Variants in DAB1 observed in about 807,000 individuals in gnomAD.
DAB1 encodes the protein DAB adaptor protein 1.
In DAB1, 15 loss-of-function variants were observed where a neutral mutation model predicts 64.6. The ratio of observed to expected loss-of-function variants is 0.23; its 90% CI spans 0.16 to 0.36. The LOEUF is 0.36. Ranked by LOEUF, DAB1 falls within the 10% of genes least tolerant of loss-of-function variation. The pLI is 1.00. For missense variants in DAB1, 596 were observed against 706.7 expected, an observed-to-expected ratio of 0.84 and a Z score of 1.78; for synonymous variants, 235 against 251.9, an observed-to-expected ratio of 0.93 and a Z score of 0.64.
At position 57,059,325 on chromosome 1, in the gene DAB1, C is replaced by T. The variant is rs1650147561; in HGVS notation, c.723+3559G>A. Among the ~76,000 whole-genome samples, 3 of 152,166 alleles carry T rather than the reference C, an allele frequency of 2.0e-5. No individual in the cohort carries two copies. The South Asian group carries it at 6.2e-4, about 32-fold the overall frequency. ...GTAAGAACTACACCCAGATCTCACT[C>T]TGAAGACCAGGCTCTGTGCAGACCT... On this transcript the variant is annotated intron_variant, in intron 9 of 14. Coordinates refer to ENST00000371236, the MANE Select transcript of DAB1 (RefSeq NM_001365792.1).
chr1:58,437,903 A>C (rs1644963055), intron 3 of DAB1, among the ~76,000 whole-genome samples: 1 of 152,122 alleles, frequency 6.6e-6, no homozygotes, highest in African/African-American at 2.4e-5. Flanking sequence ...AGGTGGAGAC[A>C]GTTCTGTGGG....
intron 2 of DAB1, among the ~76,000 whole-genome samples, chr1:57,251,528 C>T (rs184088920): frequency 1.3e-5 from 2 of 152,098 alleles, no homozygotes; most frequent in African/African-American, 4.8e-5. Flanking sequence ...AGCCAATCAC[C>T]TCGAGTACAC....
chr1:57,333,400 C>T (rs1676837422), intron 1 of DAB1, among the ~76,000 whole-genome samples: 1 of 152,244 alleles, frequency 6.6e-6, no homozygotes, highest in Non-Finnish European at 1.5e-5. Context: ...GCACACTTAT[C>T]TTACAGGGTT....
intron 6 of DAB1, among the ~76,000 whole-genome samples, chr1:57,679,664 C>T (rs1290611928): frequency 6.6e-6 from 1 of 152,226 alleles, no homozygotes; most frequent in Admixed American, 6.5e-5. Context: ...CACACGCACA[C>T]ACGCCTGTTT....
intron 3 of DAB1, chr1:58,481,259 TGTAAAA>T (rs1645477514): frequency 1.3e-5 from 6 of 472,852 alleles, no homozygotes; most frequent in African/African-American, 2.0e-5. Flanking sequence ...ATATGCTCCA[TGTAAAA>T]CAAAGAATGT....
At chr1:57,817,639 C>T (rs1388985610) in intron 6 of DAB1, among the ~76,000 whole-genome samples, 1 of 152,210 alleles carries the variant, frequency 6.6e-6, no homozygotes, top group East Asian at 1.9e-4. Context: ...CTGGCTGCCC[C>T]ACTCAAAATT....
At chr1:57,900,064 A>G (rs1557544868) in intron 5 of DAB1, among the ~76,000 whole-genome samples, 2 of 151,964 alleles carry the variant, frequency 1.3e-5, no homozygotes, top group Admixed American at 1.3e-4. Context: ...TCGGCCTCCC[A>G]AAGAGTTGAG....
At chr1:58,492,158 A>G (rs1168132834) in intron 3 of DAB1, among the ~76,000 whole-genome samples, 1 of 152,334 alleles carries the variant, frequency 6.6e-6, no homozygotes, top group African/African-American at 2.4e-5. Flanking sequence ...ATGCTCCTGA[A>G]TGACTACTGG....
intron 6 of DAB1, among the ~76,000 whole-genome samples, chr1:57,763,253 G>C (rs1472130210): frequency 2.6e-5 from 4 of 152,204 alleles, no homozygotes; most frequent in Non-Finnish European, 5.9e-5. Flanking sequence ...AGTATAGAAA[G>C]AGGACACTTG....
At chr1:57,472,146 A>G (rs1419983273) in intron 7 of DAB1, among the ~76,000 whole-genome samples, 1 of 152,244 alleles carries the variant, frequency 6.6e-6, no homozygotes, top group Non-Finnish European at 1.5e-5. Flanking sequence ...CAGGATAACA[A>G]CTTAGGAATG....
At chr1:57,311,674 T>C (rs1283840170) in intron 1 of DAB1, among the ~76,000 whole-genome samples, 1 of 152,192 alleles carries the variant, frequency 6.6e-6, no homozygotes, top group East Asian at 1.9e-4. Context: ...AGTTAACTTT[T>C]CTGGATGCTC....
chr1:57,954,751 G>T (rs1435126581), intron 5 of DAB1, among the ~76,000 whole-genome samples: 1 of 152,204 alleles, frequency 6.6e-6, no homozygotes, highest in Non-Finnish European at 1.5e-5. Flanking sequence ...TATGCAGTCT[G>T]TTAGAGAAGA....
chr1:58,089,957 T>C (rs1334149731), intron 5 of DAB1, among the ~76,000 whole-genome samples: 3 of 152,188 alleles, frequency 2.0e-5, no homozygotes, highest in Admixed American at 2.0e-4. Flanking sequence ...GAGAAACAAT[T>C]ACCTAGACTC....
At chr1:57,470,222 A>G (rs925295772) in intron 7 of DAB1, among the ~76,000 whole-genome samples, 8 of 152,234 alleles carry the variant, frequency 5.3e-5, no homozygotes. Flanking sequence ...ACTCCAGTGC[A>G]TGCTCATGTT....
intron 4 of DAB1, among the ~76,000 whole-genome samples, chr1:57,130,560 A>T (rs902536249): frequency 5.9e-5 from 9 of 152,180 alleles, no homozygotes; most frequent in Non-Finnish European, 1.3e-4. Flanking sequence ...ATATATATGC[A>T]ATGAAATACT....
rs114554486 is a variant in DAB1, at chr1:58,422,468, C to T, written n.258-79065G>A. On this transcript the variant is annotated intron_variant and non_coding_transcript_variant, in intron 3 of 20. Coordinates refer to the DAB1 transcript ENST00000485760. ...CAAGGTTTGGTTGTTCAGGAATAAA[C>T]TCCCAAAGCCACATCACAGGCCCCA... 3.3e-3 allele frequency among the ~76,000 whole-genome samples: 495 copies of T among 152,120 alleles called. 3 individuals are homozygous for T. The highest frequency in any genetic ancestry group is 0.017 in the Middle Eastern group (5 of 294).
chr1:57,523,044 T>C (rs1644548147), intron 7 of DAB1, among the ~76,000 whole-genome samples: 1 of 152,236 alleles, frequency 6.6e-6, no homozygotes, highest in African/African-American at 2.4e-5. Context: ...GCTTTCTTGC[T>C]CCTCAACTTT....
Position 58,395,856 on chromosome 1 carries a change from G to T in DAB1, n.258-52453C>A, listed in dbSNP as rs147214184. Among the ~76,000 whole-genome samples the T allele has an allele frequency of 8.7e-3, 1,324 of 152,234 alleles. 14 individuals carry two copies. The highest frequency in any genetic ancestry group is 0.03 in the African/African-American group (1,260 of 41,530). ...GACAGATATGATCCATGCTGTGGGG[G>T]TCTAAGTCGGGGAGGTGCTGATCAA... is the stretch of plus-strand genomic sequence containing the variant. On this transcript the variant is annotated intron_variant and non_coding_transcript_variant, in intron 3 of 20. Transcript: ENST00000485760.
intron 7 of DAB1, among the ~76,000 whole-genome samples, chr1:57,533,490 A>T (rs1165421676): frequency 1.3e-5 from 2 of 151,538 alleles, no homozygotes; most frequent in African/African-American, 4.8e-5. Flanking sequence ...CACTGAAACC[A>T]GAAATATGTG....
Sources: allele counts gnomAD v4.1 joint callset (sites outside exome capture counted in the v4.1 genomes callset), GRCh38; gene constraint gnomAD v4.1.1; transcripts MANE v1.5; gene names NCBI Gene and HGNC (gene_info 2026-07-23, HGNC 2026-07-21).